SLC44A5: variants seen among roughly 807,000 people sequenced by gnomAD.
SLC44A5 encodes the protein solute carrier family 44 member 5.
A neutral mutation model predicts 101.8 loss-of-function variants in SLC44A5; 57 were observed. The observed-to-expected ratio is 0.56, with a 90% CI of 0.45 to 0.70. The LOEUF (loss-of-function observed/expected upper bound fraction) is 0.70. Among genes scored for constraint, SLC44A5 ranks in the 30% least tolerant of loss-of-function variants. SLC44A5 has a pLI of 0.00. For missense variants in SLC44A5, 737 were observed against 853.1 expected, an observed-to-expected ratio of 0.86 and a Z score of 1.70; for synonymous variants, 281 against 290.9, an observed-to-expected ratio of 0.97 and a Z score of 0.35.
chr1:75,561,798 A>G (rs113588873), intron 1 of SLC44A5, among the ~76,000 whole-genome samples: 37 of 152,264 alleles, frequency 2.4e-4, no homozygotes, highest in African/African-American at 8.9e-4. Flanking sequence ...TTTTAAATTC[A>G]TTGTGTATTA....
intron 6 of SLC44A5, 59 bp downstream of exon 6, chr1:75,274,899 G>T: frequency 7.6e-7 from 1 of 1,311,146 alleles, no homozygotes; most frequent in Non-Finnish European, 1.1e-6. Flanking sequence ...CTGTAAAAGT[G>T]ATATCTAGGT....
chr1:75,357,613 G>C (rs911679691), intron 3 of SLC44A5, among the ~76,000 whole-genome samples: 6 of 152,116 alleles, frequency 3.9e-5, no homozygotes, highest in African/African-American at 1.4e-4. Flanking sequence ...ACCAAGAAAA[G>C]CCTCATGTAA....
chr1:75,705,739 G>A, the SLC44A5 span, among the ~76,000 whole-genome samples: 1 of 152,128 alleles, frequency 6.6e-6, no homozygotes, highest in African/African-American at 2.4e-5. Flanking sequence ...ATGCAGTGGT[G>A]CAATCTCGGC....
chr1:75,488,653 C>A (rs891786523), intron 2 of SLC44A5, among the ~76,000 whole-genome samples: 1 of 152,104 alleles, frequency 6.6e-6, no homozygotes, highest in African/African-American at 2.4e-5. Flanking sequence ...AATGTGTTGG[C>A]AGTAACTAGA....
At chr1:75,380,946 A>T (rs1660893085) in intron 3 of SLC44A5, among the ~76,000 whole-genome samples, 1 of 82,848 alleles carries the variant, frequency 1.2e-5, no homozygotes, top group South Asian at 3.6e-4. Context: ...GAGCACCAGG[A>T]TGTTTAATGG....
chr1:75,397,103 C>T (rs1662172523), intron 2 of SLC44A5, among the ~76,000 whole-genome samples: 1 of 152,148 alleles, frequency 6.6e-6, no homozygotes, highest in Non-Finnish European at 1.5e-5. Flanking sequence ...ATTTTGAATT[C>T]AGCAGTCCCA....
the SLC44A5 span, among the ~76,000 whole-genome samples, chr1:75,685,148 C>T: frequency 6.6e-6 from 1 of 152,164 alleles, no homozygotes; most frequent in Non-Finnish European, 1.5e-5. Context: ...TTAGCCATGG[C>T]AGGGATGCAG....
At chr1:75,699,005 A>G in the SLC44A5 span, among the ~76,000 whole-genome samples, 5 of 152,224 alleles carry the variant, frequency 3.3e-5, no homozygotes, top group Admixed American at 1.3e-4. Flanking sequence ...GGACTATGTG[A>G]AAAGACCAAA....
At chr1:75,690,994 A>G in the SLC44A5 span, among the ~76,000 whole-genome samples, 1 of 151,208 alleles carries the variant, frequency 6.6e-6, no homozygotes, top group Non-Finnish European at 1.5e-5. Flanking sequence ...AAATAAAGGA[A>G]AAAAAAAAGA....
the SLC44A5 span, among the ~76,000 whole-genome samples, chr1:75,708,714 A>C: frequency 6.6e-6 from 1 of 152,162 alleles, no homozygotes; most frequent in Admixed American, 6.5e-5. Context: ...CAAATATAAA[A>C]TTATACATAT....
Position 75,378,173 on chromosome 1 carries a change from C to T in SLC44A5, c.52+18410G>A, listed in dbSNP as rs1318931900. Among the ~76,000 whole-genome samples, 12 of 81,432 alleles carry T rather than the reference C, an allele frequency of 1.5e-4. 5 individuals are homozygous for T. The South Asian group carries it at 1.5e-3, about 10-fold the overall frequency. 53.4% of individuals were successfully genotyped at this position (81,432 alleles called of 152,430 possible). ...CAGTCAGCCTTACAGTAAGCTTGTG[C>T]GCTCGGAAGAAGCTAGGGTGATAAT... On this transcript the variant is annotated intron_variant, in intron 3 of 23. Transcript: ENST00000370859.
At chr1:75,598,171 A>C (rs1353674808) in intron 1 of SLC44A5, among the ~76,000 whole-genome samples, 1 of 152,096 alleles carries the variant, frequency 6.6e-6, no homozygotes, top group Non-Finnish European at 1.5e-5. Flanking sequence ...GCACCCAACA[A>C]TCATATGAGA....
chr1:75,648,984 A>C, the SLC44A5 span, among the ~76,000 whole-genome samples: 1 of 152,170 alleles, frequency 6.6e-6, no homozygotes, highest in African/African-American at 2.4e-5. Flanking sequence ...ATCACAAGCT[A>C]TATCAAATGT....
the SLC44A5 span, among the ~76,000 whole-genome samples, chr1:75,721,024 C>A: frequency 6.6e-6 from 1 of 152,112 alleles, no homozygotes; most frequent in African/African-American, 2.4e-5. Context: ...CAAAGGAAGC[C>A]TTCAGGTGAG....
chr1:75,600,807 C>T (rs1249553348), intron 1 of SLC44A5, among the ~76,000 whole-genome samples: 2 of 152,050 alleles, frequency 1.3e-5, no homozygotes, highest in Non-Finnish European at 2.9e-5. Context: ...ACCATATAGC[C>T]TATCTATGTG....
At chr1:75,600,978 A>T (rs988232641) in intron 1 of SLC44A5, among the ~76,000 whole-genome samples, 1 of 152,214 alleles carries the variant, frequency 6.6e-6, no homozygotes, top group Non-Finnish European at 1.5e-5. Flanking sequence ...GAGTAAGAAT[A>T]TGAGAAACAA....
At chr1:75,609,064 G>A (rs1263773108) in intron 1 of SLC44A5, among the ~76,000 whole-genome samples, 2 of 151,698 alleles carry the variant, frequency 1.3e-5, no homozygotes, top group African/African-American at 2.4e-5. Flanking sequence ...CATAGTAAGC[G>A]ATTGATTAAC....
chr1:75,368,115 G>C (rs920799795), intron 3 of SLC44A5, among the ~76,000 whole-genome samples: 1 of 152,100 alleles, frequency 6.6e-6, no homozygotes, highest in Non-Finnish European at 1.5e-5. Context: ...TATTAGAAGA[G>C]AATATCAATA....
At chr1:75,340,404 G>A (rs548102310) in intron 3 of SLC44A5, among the ~76,000 whole-genome samples, 2 of 152,200 alleles carry the variant, frequency 1.3e-5, no homozygotes, top group East Asian at 3.9e-4. Flanking sequence ...TACAACCTAA[G>A]CACTCCCACC....
Sources: gnomAD v4.1 joint callset for allele counts (sites outside exome capture counted in the v4.1 genomes callset) on GRCh38, gnomAD v4.1.1 for gene constraint, MANE v1.5 for transcripts, NCBI Gene and HGNC (gene_info 2026-07-23, HGNC 2026-07-21) for gene names.